Variants in MRPL10 observed in about 807,000 individuals in gnomAD.
MRPL10 encodes the protein mitochondrial ribosomal protein L10.
In MRPL10, 14 loss-of-function variants were observed where a neutral mutation model predicts 19.8. The observed-to-expected ratio is 0.71, with a 90% CI of 0.47 to 1.11. MRPL10 has a LOEUF of 1.11. Among genes scored for constraint, MRPL10 ranks in the 50% least tolerant of loss-of-function variants. The pLI, the probability that MRPL10 is intolerant of heterozygous loss-of-function variation, is 0.00. For missense variants in MRPL10, 318 were observed against 339.6 expected (o/e 0.94, Z 0.50); for synonymous variants, 129 against 139.2 (o/e 0.93, Z 0.52).
intron 1 of MRPL10, chr17:47,829,233 T>C (rs55916822): frequency 0.089 from 13,435 of 150,630 alleles, 941 homozygotes; most frequent in African/African-American, 0.2. Flanking sequence ...CACTGCACTC[T>C]AGCCTGGGCA....
chr17:47,828,313 TCCA>T, intron 2 of MRPL10, 185 bp downstream of exon 2: 1 of 428,322 alleles, frequency 2.3e-6, no homozygotes, highest in Non-Finnish European at 4.0e-6. Context: ...GCCCACCCAA[TCCA>T]GAGCCCAAAA....
chr17:47,825,579 C>G (rs376499849), intron 4 of MRPL10, among the ~76,000 whole-genome samples: 2 of 152,064 alleles, frequency 1.3e-5, no homozygotes, highest in Admixed American at 6.6e-5. Flanking sequence ...GAGCCATGAC[C>G]GGACCACTGC....
chr17:47,827,623 G>A (rs776787433), intron 2 of MRPL10, among the ~76,000 whole-genome samples: 5 of 152,080 alleles, frequency 3.3e-5, no homozygotes, highest in African/African-American at 9.7e-5. Context: ...TTGGCTGGGC[G>A]CGGTGGCTCA....
intron 4 of MRPL10, among the ~76,000 whole-genome samples, chr17:47,824,872 G>T (rs2143583850): frequency 6.6e-6 from 1 of 151,962 alleles, no homozygotes; most frequent in Admixed American, 6.5e-5. Flanking sequence ...AAATTAGCCA[G>T]GCATGGTGGC....
chr17:47,828,819 A>G, intron 1 of MRPL10, 149 bp from the exon 2 acceptor site: 1 of 559,596 alleles, frequency 1.8e-6, no homozygotes. Context: ...ATTGTCTGAC[A>G]AAAGTCCTGA....
In MRPL10 at chr17:47,826,782, C is replaced by G. The variant is rs1256261175; in HGVS notation, c.388-1G>C. 9 of 1,614,058 alleles carry G rather than the reference C, an allele frequency of 5.6e-6. No homozygotes were observed. Among genetic ancestry groups the G allele is most frequent in the Non-Finnish European group, 7.6e-6 (9 of 1,180,026 alleles). On this transcript the variant is annotated splice_acceptor_variant, in intron 3 of 4. Coordinates refer to ENST00000351111, the MANE Select transcript of MRPL10 (RefSeq NM_145255.4). LOFTEE classifies it high-confidence loss of function. ...AATCCTCCAGGAAGGGCTTCAGGAC[C>G]TGGGAACAGCAGGGAAAAATGGCTT...
At position 47,831,498 on chromosome 17, in the gene MRPL10, A is replaced by C; in HGVS notation, c.14T>G (p.Val5Gly). The C allele has an allele frequency of 6.5e-7, 1 of 1,550,088 alleles. No homozygotes were observed. Among genetic ancestry groups the C allele is most frequent in the South Asian group, 1.2e-5 (1 of 84,018 alleles). ...GAGACCCCCTCGCAGCATCCCCGCC[A>C]CGGCCGCAGCCATCTCCACCGGAAG... MAAA[V>G]AGMLRGGLLP... Residue 5 changes from valine to glycine, a missense_variant, in exon 1 of 5, where the codon GTG (valine) becomes GGG (glycine). Coordinates refer to ENST00000351111, the MANE Select transcript of MRPL10 (RefSeq NM_145255.4).
rs749326674 is a variant in MRPL10 at position 47,824,214 on chromosome 17, C to T, written c.777G>A (p.Pro259=). The T allele has an allele frequency of 7.4e-6, 12 of 1,614,046 alleles. No individual in the cohort carries two copies. Among genetic ancestry groups the T allele is most frequent in the South Asian group, 6.6e-5 (6 of 91,086 alleles). The change falls in exon 5 of 5, where the codon CCG becomes CCA. Residue 259 remains proline (P), a synonymous_variant. Transcript: ENST00000351111. ...ANGKPDPDTV[P]DS ...TGGCTAAACAGGCTGGCTACGAGTC[C>T]GGAACAGTGTCAGGATCTGGCTTCC... is the stretch of plus-strand genomic sequence containing the variant.
Position 47,826,489 on chromosome 17 carries a change from G to A in MRPL10, c.532+148C>T, listed in dbSNP as rs1363136043. 4.3e-6 allele frequency: 4 copies of A among 937,546 alleles called. No homozygotes were observed. The African/African-American group carries it at 5.0e-5, about 12-fold the overall frequency. The allele number at this position is 937,546 out of a possible 1,614,324, so 58.1% of individuals were successfully genotyped here. ...CAACACAGGTGTGGGAGTGACAGTC[G>A]GCCCTCAATAAATGTGCTGTTTACT... On this transcript the variant is annotated intron_variant, in intron 4 of 4. Coordinates refer to ENST00000351111, the MANE Select transcript of MRPL10 (RefSeq NM_145255.4).
intron 2 of MRPL10, 124 bp from the exon 3 acceptor site, chr17:47,827,328 G>T: frequency 1.3e-6 from 1 of 751,816 alleles, no homozygotes; most frequent in Non-Finnish European, 2.1e-6. Context: ...CGGGGAACAA[G>T]TAGGATAACT....
chr17:47,823,275 T>G lies in MRPL10; in HGVS notation c.*930A>C, dbSNP rs925777186. 2 of 152,054 alleles carry G rather than the reference T, an allele frequency of 1.3e-5. No individual in the cohort carries two copies. Among genetic ancestry groups the G allele is most frequent in the Admixed American group, 1.3e-4 (2 of 15,276 alleles). 9.4% of individuals were successfully genotyped at this position (152,054 alleles called of 1,614,324 possible). On this transcript the variant is annotated 3_prime_UTR_variant, in exon 5 of 5. Transcript: ENST00000351111. Reference sequence around the variant, plus strand: ...GAACCACCAGAGACACGTTAGCTAGTGGGTACAGCTGTCAGCTGCCTTTAA... The same window carrying G: ...GAACCACCAGAGACACGTTAGCTAGGGGGTACAGCTGTCAGCTGCCTTTAA...
At chr17:47,827,322 G>T in intron 2 of MRPL10, 118 bp from the exon 3 acceptor site, 2 of 779,966 alleles carry the variant, frequency 2.6e-6, no homozygotes, top group South Asian at 2.0e-5. Context: ...AAAGATCGGG[G>T]AACAAGTAGG....
At chr17:47,826,865 G>A in intron 3 of MRPL10, 84 bp from the exon 4 acceptor site, 2 of 1,574,974 alleles carry the variant, frequency 1.3e-6, no homozygotes, top group Non-Finnish European at 1.7e-6. Flanking sequence ...ATTAGGCTGA[G>A]GGTGCAACCC....
At chr17:47,828,451 T>C in intron 2 of MRPL10, 50 bp downstream of exon 2, 2 of 1,321,060 alleles carry the variant, frequency 1.5e-6, no homozygotes, top group Non-Finnish European at 2.0e-6. Context: ...CAAGATTACT[T>C]TAATCCACCA....
At position 47,823,615 on chromosome 17, in the gene MRPL10, C is replaced by T. The variant is rs868303172; in HGVS notation, c.*590G>A. The T allele has an allele frequency of 1.9e-5, 3 of 154,318 alleles. No individual in the cohort carries two copies. Among genetic ancestry groups the T allele is most frequent in the Non-Finnish European group, 4.3e-5 (3 of 69,228 alleles). 9.6% of individuals were successfully genotyped at this position (154,318 alleles called of 1,614,324 possible). On this transcript the variant is annotated 3_prime_UTR_variant, in exon 5 of 5. Coordinates refer to ENST00000351111, the MANE Select transcript of MRPL10 (RefSeq NM_145255.4). The stretch of plus-strand genomic sequence containing the variant: ...GAAGCTCTAGTGAAGAAATTCAGGA[C>T]GCGGTCTTCAGAGCAGAGGGCTTGG...
intron 4 of MRPL10, among the ~76,000 whole-genome samples, chr17:47,825,069 C>T (rs1192631127): frequency 6.7e-6 from 1 of 149,774 alleles, no homozygotes; most frequent in East Asian, 2.0e-4. Context: ...TGGCTCAAGC[C>T]TGTAATCCCA....
chr17:47,831,478 C>T lies in MRPL10; in HGVS notation c.34G>A (p.Gly12Ser). 2.6e-6 allele frequency: 4 copies of T among 1,549,060 alleles called. No homozygotes were observed. Among genetic ancestry groups the T allele is most frequent in the Non-Finnish European group, 2.6e-6 (3 of 1,146,704 alleles). Residue 12 changes from glycine to serine, a missense_variant, in exon 1 of 5, where the codon GGT becomes AGT. Transcript: ENST00000351111. ...TCCTTACCCGCCTGGGGCAGGAGAC[C>T]CCCTCGCAGCATCCCCGCCACGGCC... ...AAAVAGMLRG[G>S]LLPQAGRLPT...
chr17:47,824,005 T>G lies in MRPL10; in HGVS notation c.*200A>C. The G allele has an allele frequency of 3.0e-6, 2 of 670,522 alleles. No homozygotes were observed. The highest frequency in any genetic ancestry group is 6.0e-5 in the Admixed American group (2 of 33,548). The allele number at this position is 670,522 out of a possible 1,614,324, so 41.5% of individuals were successfully genotyped here. On this transcript the variant is annotated 3_prime_UTR_variant, in exon 5 of 5. Transcript: ENST00000351111. The stretch of plus-strand genomic sequence containing the variant: ...CTATCACGTCCCAAGTTGGGAAAAC[T>G]AAGGACGAAGCCGGTGACTGACATC...
At chr17:47,829,338 A>G (rs1668986464) in intron 1 of MRPL10, 1 of 152,712 alleles carries the variant, frequency 6.5e-6, no homozygotes, top group Non-Finnish European at 1.5e-5. Context: ...ATAAGGTTAA[A>G]TAAACTTTTT....
Sources: gnomAD v4.1 joint callset for allele counts (sites outside exome capture counted in the v4.1 genomes callset) on GRCh38, gnomAD v4.1.1 for gene constraint, MANE v1.5 for transcripts, NCBI Gene and HGNC (gene_info 2026-07-23, HGNC 2026-07-21) for gene names.